Variants in GPR143 observed in about 807,000 individuals in gnomAD.
GPR143 encodes the protein G-protein coupled receptor 143.
A neutral mutation model predicts 27.6 loss-of-function variants in GPR143; 8 were observed. The ratio of observed to expected loss-of-function variants is 0.29; its 90% CI spans 0.17 to 0.52. GPR143 has a LOEUF of 0.52. Ranked by LOEUF, GPR143 falls within the 20% of genes least tolerant of loss-of-function variation. The pLI, the probability that GPR143 is intolerant of heterozygous loss-of-function variation, is 0.96. For missense variants in GPR143, 303 were observed against 343.1 expected (o/e 0.88, Z 0.92); for synonymous variants, 156 against 153.2 (o/e 1.02, Z -0.13).
chrX:9,767,173 AT>A (rs112413683), upstream of GPR143, among the ~76,000 whole-genome samples: 18,513 of 105,789 alleles, frequency 0.17, 1,343 homozygotes, highest in African/African-American at 0.24. Flanking sequence ...GCATACTAAG[AT>A]TTTTTTTTTT....
intron 3 of GPR143, among the ~76,000 whole-genome samples, chrX:9,757,596 G>A (rs2083478610): frequency 9.0e-6 from 1 of 111,173 alleles, no homozygotes; most frequent in South Asian, 3.9e-4. Flanking sequence ...CTGTGGGGAG[G>A]GGGCAGTGAG....
At chrX:9,739,030 G>C (rs1417897760) in intron 8 of GPR143, among the ~76,000 whole-genome samples, 1 of 112,153 alleles carries the variant, frequency 8.9e-6, no homozygotes, top group Admixed American at 9.4e-5. Context: ...CAGTGTATTT[G>C]AATAGTAGGA....
chrX:9,743,218 C>CAAAAA (rs35238066), intron 6 of GPR143, among the ~76,000 whole-genome samples: 40 of 37,244 alleles, frequency 1.1e-3, no homozygotes, highest in African/African-American at 1.3e-3. Context: ...GACCCTGTCT[C>CAAAAA]AAAAAAAAAA....
chrX:9,746,737 A>G (rs990326045), intron 4 of GPR143, among the ~76,000 whole-genome samples: 2 of 110,509 alleles, frequency 1.8e-5, no homozygotes, highest in Non-Finnish European at 3.8e-5. Flanking sequence ...GTCACCACAG[A>G]ATGTGCTGGA....
chrX:9,753,751 C>A (rs1034449989), intron 3 of GPR143, among the ~76,000 whole-genome samples: 2 of 111,823 alleles, frequency 1.8e-5, no homozygotes, highest in Non-Finnish European at 3.8e-5. Flanking sequence ...TCCCCAAGCC[C>A]TTCCAGAGTC....
intron 8 of GPR143, among the ~76,000 whole-genome samples, chrX:9,727,802 C>T (rs2083334941): frequency 1.8e-5 from 2 of 112,218 alleles, no homozygotes; most frequent in African/African-American, 6.5e-5. Flanking sequence ...AGCCCTCCAC[C>T]CATGGGCCTT....
chrX:9,743,218 CAA>C (rs35238066), intron 6 of GPR143, among the ~76,000 whole-genome samples: 11,061 of 36,520 alleles, frequency 0.3, 678 homozygotes, highest in East Asian at 0.63. Flanking sequence ...GACCCTGTCT[CAA>C]AAAAAAAAAA....
intron 1 of GPR143, among the ~76,000 whole-genome samples, chrX:9,776,588 C>T (rs1359270155): frequency 1.0e-5 from 1 of 97,803 alleles, no homozygotes; most frequent in African/African-American, 3.8e-5. Context: ...GGGGACTGGC[C>T]ATGTTGCCAA....
At chrX:9,736,224 G>A (rs1431199708) in intron 8 of GPR143, among the ~76,000 whole-genome samples, 1 of 111,758 alleles carries the variant, frequency 8.9e-6, no homozygotes, top group Non-Finnish European at 1.9e-5. Context: ...CAATGGTGAT[G>A]AGAGCCAAAA....
At chrX:9,734,804 G>C (rs1421913768) in intron 8 of GPR143, among the ~76,000 whole-genome samples, 2 of 111,575 alleles carry the variant, frequency 1.8e-5, no homozygotes, top group African/African-American at 6.5e-5. Context: ...GGCTCTATAA[G>C]CTCCACCCAG....
At chrX:9,766,062 G>A, upstream of GPR143, 2 of 261,515 alleles carry the variant, frequency 7.6e-6, no homozygotes, top group Non-Finnish European at 1.4e-5. Context: ...TGAGAGGAGA[G>A]GAAGAGGGAG....
intron 8 of GPR143, among the ~76,000 whole-genome samples, chrX:9,731,877 A>C (rs1193717886): frequency 9.1e-6 from 1 of 110,009 alleles, no homozygotes; most frequent in Admixed American, 9.7e-5. Context: ...TTAATGGGAA[A>C]GACTAGAGAG....
intron 8 of GPR143, among the ~76,000 whole-genome samples, chrX:9,733,540 G>A (rs1437037910): frequency 9.0e-6 from 1 of 111,413 alleles, no homozygotes; most frequent in Non-Finnish European, 1.9e-5. Flanking sequence ...ATGAAAAATT[G>A]TAAAAAGGGA....
intron 1 of GPR143, among the ~76,000 whole-genome samples, chrX:9,764,504 G>A (rs1019585093): frequency 4.0e-5 from 4 of 99,089 alleles, no homozygotes; most frequent in East Asian, 3.3e-4. Context: ...TTACACACGC[G>A]CACACACACA....
At chrX:9,773,528 CACAT>C (rs1455023621) in intron 1 of GPR143, among the ~76,000 whole-genome samples, 2 of 110,914 alleles carry the variant, frequency 1.8e-5, no homozygotes, top group Non-Finnish European at 1.9e-5. Flanking sequence ...CACACGCACA[CACAT>C]ATACTTTTTC....
chrX:9,768,338 G>A (rs2083542365), upstream of GPR143, among the ~76,000 whole-genome samples: 1 of 111,692 alleles, frequency 9.0e-6, no homozygotes, highest in Admixed American at 9.6e-5. Context: ...ACCATCCTGG[G>A]CAACATAGTG....
intron 1 of GPR143, among the ~76,000 whole-genome samples, chrX:9,764,504 G>GCACACACACA (rs201690882): frequency 3.0e-4 from 30 of 99,054 alleles, no homozygotes; most frequent in African/African-American, 1.1e-3. Flanking sequence ...TTACACACGC[G>GCACACACACA]CACACACACA....
chrX:9,763,178 A>G (rs759967278), intron 1 of GPR143, among the ~76,000 whole-genome samples: 25 of 109,818 alleles, frequency 2.3e-4, no homozygotes, highest in African/African-American at 8.0e-4. Flanking sequence ...GGTTCAAGCA[A>G]TCCGTCCACC....
intron 1 of GPR143, among the ~76,000 whole-genome samples, chrX:9,774,131 C>T (rs1231576522): frequency 1.1e-4 from 8 of 72,394 alleles, no homozygotes; most frequent in Non-Finnish European, 2.0e-4. Context: ...ACCTCCCATC[C>T]TCATCTCTTA....
Sources: gnomAD v4.1 joint callset for allele counts (sites outside exome capture counted in the v4.1 genomes callset) on GRCh38, gnomAD v4.1.1 for gene constraint, MANE v1.5 for transcripts, NCBI Gene and HGNC (gene_info 2026-07-23, HGNC 2026-07-21) for gene names.